ZSWIM5: variants seen among roughly 807,000 people sequenced by gnomAD.
ZSWIM5 encodes the protein zinc finger SWIM domain-containing protein 5.
A neutral mutation model predicts 119.6 loss-of-function variants in ZSWIM5; 55 were observed. That is an observed-to-expected ratio of 0.46 (90% CI 0.37 to 0.58). ZSWIM5 has a LOEUF of 0.58. Ranked by LOEUF, ZSWIM5 falls within the 20% of genes least tolerant of loss-of-function variation. The pLI is 0.00. For missense variants in ZSWIM5, 1,193 were observed against 1,512.8 expected, an observed-to-expected ratio of 0.79 and a Z score of 3.51; for synonymous variants, 537 against 606.9, an observed-to-expected ratio of 0.88 and a Z score of 1.69.
At chr1:45,145,357 A>G (rs1364419647) in intron 1 of ZSWIM5, among the ~76,000 whole-genome samples, 4 of 152,106 alleles carry the variant, frequency 2.6e-5, no homozygotes, top group African/African-American at 9.7e-5. Flanking sequence ...AAAAAAAAAA[A>G]AAACTGGTTA....
At chr1:45,183,200 C>T (rs1226741) in intron 1 of ZSWIM5, among the ~76,000 whole-genome samples, 21,356 of 149,720 alleles carry the variant, frequency 0.14, 1,534 homozygotes, top group Non-Finnish European at 0.15. Context: ...TTGAAACCAA[C>T]GAGAACAAAG....
chr1:45,146,430 AC>A (rs1282184841), intron 1 of ZSWIM5, among the ~76,000 whole-genome samples: 5 of 94,900 alleles, frequency 5.3e-5, no homozygotes, highest in Non-Finnish European at 1.1e-4. Context: ...CTGTTTCTAG[AC>A]TTTTTTTTTT....
chr1:45,060,067 C>T (rs756009573), intron 3 of ZSWIM5, 32 bp downstream of exon 3: 1 of 1,612,430 alleles, frequency 6.2e-7, no homozygotes, highest in Admixed American at 1.7e-5. Flanking sequence ...CTTTTGTCAA[C>T]AACAAAAGAA....
In ZSWIM5 at chr1:45,060,122, G is replaced by T. The variant is rs773815141; in HGVS notation, c.1078C>A (p.Gln360Lys). 7 of 1,614,180 alleles carry T rather than the reference G, an allele frequency of 4.3e-6. No homozygotes were observed. The highest frequency in any genetic ancestry group is 1.1e-5 in the South Asian group (1 of 91,082). Residue 360 changes from glutamine to lysine, a missense_variant, in exon 3 of 14, where the codon CAA (glutamine) becomes AAA (lysine). Transcript: ENST00000359600. ...SQGGYCGSGK[Q>K]LNSMFAKVRE... ...ACCTTGGCAAACATTGAGTTGAGTT[G>T]CTTTCCAGAGCCACAGTAACCGCCC...
intron 1 of ZSWIM5, among the ~76,000 whole-genome samples, chr1:45,177,374 A>G (rs1340887239): frequency 6.6e-6 from 1 of 152,098 alleles, no homozygotes; most frequent in Non-Finnish European, 1.5e-5. Context: ...GAACTGAAAA[A>G]CCTACACCAT....
At chr1:45,112,283 T>A (rs892965297) in intron 1 of ZSWIM5, among the ~76,000 whole-genome samples, 3 of 152,212 alleles carry the variant, frequency 2.0e-5, no homozygotes, top group Admixed American at 1.3e-4. Context: ...TTACCCAGCA[T>A]AGTTATTTTG....
At chr1:45,049,321 AG>A (rs932991917) in intron 5 of ZSWIM5, among the ~76,000 whole-genome samples, 1 of 152,168 alleles carries the variant, frequency 6.6e-6, no homozygotes, top group Non-Finnish European at 1.5e-5. Context: ...TTAAGAAGGT[AG>A]GAAGAATTAT....
At chr1:45,135,160 C>T (rs1219273413) in intron 1 of ZSWIM5, among the ~76,000 whole-genome samples, 1 of 150,402 alleles carries the variant, frequency 6.6e-6, no homozygotes, top group East Asian at 1.9e-4. Context: ...ATACTGTTTC[C>T]ATAATGTAAA....
At chr1:45,034,230 A>G in intron 11 of ZSWIM5, 82 bp downstream of exon 11, 2 of 1,440,906 alleles carry the variant, frequency 1.4e-6, no homozygotes, top group Non-Finnish European at 1.9e-6. Flanking sequence ...CTTTCTCAGG[A>G]GACTGCAGGC....
intron 1 of ZSWIM5, among the ~76,000 whole-genome samples, chr1:45,153,498 T>C (rs1645810175): frequency 7.1e-6 from 1 of 141,644 alleles, no homozygotes; most frequent in Admixed American, 6.9e-5. Flanking sequence ...AGAGTGAGAC[T>C]CTGTCTCAAA....
chr1:45,035,706 A>G lies in ZSWIM5; in HGVS notation c.2273T>C (p.Leu758Ser). 1 of 1,613,756 alleles carries G rather than the reference A, an allele frequency of 6.2e-7. No individual in the cohort carries two copies. Residue 758 changes from leucine to serine, a missense_variant, in exon 10 of 14, where the codon TTA becomes TCA. Around this residue, in one of 2 missense-constraint regions of ZSWIM5, gnomAD observed 961 missense variants for 1,290.0 expected, o/e 0.74. Transcript: ENST00000359600. ...LPHDPDLSYKLALRAMRLPVL... is the reference protein window; with the variant it reads ...LPHDPDLSYKSALRAMRLPVL... The stretch of plus-strand genomic sequence containing the variant: ...TACCCACCTCATGGCACGTAAGGCT[A>G]ATTTATAGGACAGGTCTGGATCATG...
At chr1:45,163,011 A>G (rs1553199945) in intron 1 of ZSWIM5, among the ~76,000 whole-genome samples, 8 of 152,250 alleles carry the variant, frequency 5.3e-5, no homozygotes, top group Non-Finnish European at 5.9e-5. Flanking sequence ...CAGAACAGAC[A>G]GACTGCCTCC....
chr1:45,061,836 C>T (rs904981933), intron 2 of ZSWIM5, among the ~76,000 whole-genome samples: 1 of 150,438 alleles, frequency 6.6e-6, no homozygotes, highest in African/African-American at 2.4e-5. Context: ...CATGCCTGCA[C>T]TCCCAGCACT....
At chr1:45,089,046 G>A (rs1645348442) in intron 1 of ZSWIM5, among the ~76,000 whole-genome samples, 1 of 152,142 alleles carries the variant, frequency 6.6e-6, no homozygotes, top group Admixed American at 6.5e-5. Context: ...TTCGGCCTCT[G>A]TCTCCTGGGC....
chr1:45,202,779 CTTCT>C (rs147535440), intron 1 of ZSWIM5, among the ~76,000 whole-genome samples: 1,527 of 152,054 alleles, frequency 0.01, 10 homozygotes, highest in Non-Finnish European at 0.016. Flanking sequence ...AAAAGCAAAG[CTTCT>C]TTAAGTTTTA....
intron 1 of ZSWIM5, among the ~76,000 whole-genome samples, chr1:45,176,204 C>A (rs548561320): frequency 2.1e-4 from 31 of 150,988 alleles, no homozygotes; most frequent in African/African-American, 7.0e-4. Flanking sequence ...ACGTGGGTAT[C>A]TCCAATTACA....
At position 45,126,604 on chromosome 1, in the gene ZSWIM5, G is replaced by A. The variant is rs1645623443; in HGVS notation, c.596-38367C>T. On this transcript the variant is annotated intron_variant, in intron 1 of 13. Transcript: ENST00000359600. ...ATTTTACTGGAGAATCCTACCAAAT[G>A]TTCAAAAATGAATCAATGCTGGGCA... is the stretch of plus-strand genomic sequence containing the variant. 2.0e-5 allele frequency among the ~76,000 whole-genome samples: 3 copies of A among 152,050 alleles called. 1 individual carries two copies. The South Asian group carries it at 6.2e-4, about 32-fold the overall frequency.
Position 45,019,075 on chromosome 1 carries a change from G to A in ZSWIM5, c.2937C>T (p.Ala979=), listed in dbSNP as rs536235665. 6.2e-7 allele frequency: 1 copy of A among 1,614,224 alleles called. No individual in the cohort carries two copies. The highest frequency in any genetic ancestry group is 1.1e-5 in the South Asian group (1 of 91,090). ...ALTLCEKDHI[A]FEAAYQIAID... ...TGGCAATCTGGTAGGCTGCCTCAAAGGCAATGTGGTCTTTCTCACAGAGTG... is the reference window on the plus strand; with the variant it reads ...TGGCAATCTGGTAGGCTGCCTCAAAAGCAATGTGGTCTTTCTCACAGAGTG... Residue 979 remains alanine (A), a synonymous_variant, in exon 14 of 14, where the codon GCC becomes GCT. Transcript: ENST00000359600. This position sits in a 1 kb window ranked among gnomAD's most constrained non-coding sequence, Gnocchi z 5.0.
intron 1 of ZSWIM5, among the ~76,000 whole-genome samples, chr1:45,165,479 A>C (rs1645895477): frequency 6.6e-6 from 1 of 152,142 alleles, no homozygotes; most frequent in Non-Finnish European, 1.5e-5. Context: ...AGCAGAACTG[A>C]AGGAGATAGA....
Sources: gnomAD v4.1 joint callset for allele counts (sites outside exome capture counted in the v4.1 genomes callset) on GRCh38, gnomAD v4.1.1 for gene constraint, gnomAD v4.1.1 regional missense constraint, Gnocchi (gnomAD v3.1) non-coding constraint, MANE v1.5 for transcripts, NCBI Gene and HGNC (gene_info 2026-07-23, HGNC 2026-07-21) for gene names.